The following NLRP12 variants were observed in gnomAD, a reference collection of about 807,000 sequenced individuals.
The protein encoded by NLRP12 is NLR family pyrin domain containing 12, also known as NACHT, LRR and PYD domains-containing protein 12.
NLRP12 carries 108 observed loss-of-function variants against 91.2 expected under a neutral mutation model. The observed-to-expected ratio is 1.18, with a 90% confidence interval of 1.01 to 1.39. The LOEUF is 1.39. Ranked by LOEUF, NLRP12 falls within the 40% of genes most tolerant of loss-of-function variation. The pLI is 0.00. For missense variants in NLRP12, 1,530 were observed against 1,352.7 expected, an observed-to-expected ratio of 1.13 and a Z score of -2.06; for synonymous variants, 613 against 566.7, an observed-to-expected ratio of 1.08 and a Z score of -1.16.
Position 53,795,895 on chromosome 19 carries a change from C to T in NLRP12, c.3062G>A (p.Arg1021Gln), listed in dbSNP as rs769192403. ...GDTGVRLLCK[R>Q]LSHPGCKLRV... The stretch of plus-strand genomic sequence containing the variant: ...GAGTTTGCAGCCAGGATGGCTCAGC[C>T]GCTTGCAAAGCAGTCGGACACCTGT... Residue 1021 changes from arginine (R) to glutamine (Q), a missense_variant, in exon 9 of 10, where the codon CGG (arginine) becomes CAG (glutamine). By Grantham distance (43) the Arg-to-Gln change is conservative (BLOSUM62 1). Transcript: ENST00000324134. 11 of 1,614,138 alleles carry T rather than the reference C, an allele frequency of 6.8e-6. No homozygotes were observed. Among genetic ancestry groups the T allele is most frequent in the East Asian group, 4.5e-5 (2 of 44,882 alleles).
Position 53,807,679 on chromosome 19 carries a change from A to G in NLRP12, c.2073-14T>C, listed in dbSNP as rs769759270. 2.5e-6 allele frequency: 4 copies of G among 1,614,104 alleles called. No individual in the cohort carries two copies. In the South Asian group the frequency reaches 3.3e-5, roughly 13 times the overall value. Reference sequence around the variant, plus strand: ...GTCCTCTCTGGTCTGCTTGAAGGAAAGACAGGCCACTCTCTGGTGTTACTG... The same window carrying G: ...GTCCTCTCTGGTCTGCTTGAAGGAAGGACAGGCCACTCTCTGGTGTTACTG... On this transcript the variant is annotated splice_polypyrimidine_tract_variant and intron_variant, in intron 3 of 9. Coordinates refer to ENST00000324134, the MANE Select transcript of NLRP12 (RefSeq NM_144687.4).
intron 1 of NLRP12, among the ~76,000 whole-genome samples, chr19:53,820,307 A>G (rs958616230): frequency 3.3e-5 from 5 of 152,088 alleles, no homozygotes; most frequent in African/African-American, 1.2e-4. Context: ...AGGTGGATGG[A>G]TCACCTGAGG....
In NLRP12 at chr19:53,824,284, G is replaced by T; in HGVS notation, c.-110C>A. The T allele has an allele frequency of 8.6e-7, 1 of 1,165,254 alleles. No homozygotes were observed. The highest frequency in any genetic ancestry group is 1.9e-5 in the Admixed American group (1 of 52,032). The allele number at this position is 1,165,254 out of a possible 1,614,324, so 72.2% of individuals were successfully genotyped here. On this transcript the variant is annotated 5_prime_UTR_variant, in exon 1 of 10. Transcript: ENST00000324134. Reference sequence around the variant, plus strand: ...CCATTGCATCATTCACAGGCAGCGGGCGGAGAGGCTGAGCCAGTGGTTGGA... The same window carrying T: ...CCATTGCATCATTCACAGGCAGCGGTCGGAGAGGCTGAGCCAGTGGTTGGA...
At position 53,812,430 on chromosome 19, in the gene NLRP12, AT is replaced by A. The variant is rs1435720768; in HGVS notation, c.371-1143del. Among the ~76,000 whole-genome samples, 15 of 150,720 alleles carry A rather than the reference AT, an allele frequency of 1.0e-4. No individual in the cohort carries two copies. The South Asian group carries it at 3.1e-3, about 31-fold the overall frequency. ...TCTGCCTCAAAAAAAAAAAAAAAAA[AT>A]CTAGAACAATGTTCTTAATTGGGGT... is the stretch of plus-strand genomic sequence containing the variant. On this transcript the variant is annotated intron_variant, in intron 2 of 9. Transcript: ENST00000324134.
At chr19:53,823,475 AAT>A (rs1259817505) in intron 1 of NLRP12, among the ~76,000 whole-genome samples, 1 of 123,170 alleles carries the variant, frequency 8.1e-6, no homozygotes, top group Non-Finnish European at 1.6e-5. Context: ...ATATATTTAA[AAT>A]ATATATTTTA....
chr19:53,822,491 G>C (rs1418961881), intron 1 of NLRP12, among the ~76,000 whole-genome samples: 1 of 152,110 alleles, frequency 6.6e-6, no homozygotes, highest in African/African-American at 2.4e-5. Flanking sequence ...CCAGCACTTT[G>C]GGAGGCTGAG....
chr19:53,811,290 T>C lies in NLRP12; in HGVS notation c.371-2A>G. On this transcript the variant is annotated splice_acceptor_variant, in intron 2 of 9. Transcript: ENST00000324134. LOFTEE classifies it high-confidence loss of function. ...AGTCCCTGTAGGTTTCCTGGGGATC[T>C]AGGGGAGAGGAATGAAGGTTTTGTG... 1 of 1,613,662 alleles carries C rather than the reference T, an allele frequency of 6.2e-7. No individual in the cohort carries two copies. Among genetic ancestry groups the C allele is most frequent in the Non-Finnish European group, 8.5e-7 (1 of 1,179,996 alleles).
At position 53,804,039 on chromosome 19, in the gene NLRP12, T is replaced by C; in HGVS notation, c.2498A>G (p.Asp833Gly). The change falls in exon 6 of 10, where the codon GAC (aspartate) becomes GGC (glycine). Residue 833 changes from aspartate (D) to glycine (G), a missense_variant. Physicochemically the swap from Asp to Gly is moderately conservative, Grantham distance 94. Coordinates refer to ENST00000324134, the MANE Select transcript of NLRP12 (RefSeq NM_144687.4). The stretch of plus-strand genomic sequence containing the variant: ...ATCCTCCAGTGCATTTCCTGTCAGG[T>C]CCAACTCAACCAGATGTGGGTTGGT... Reference protein sequence around the residue: ...LGTNPHLVELDLTGNALEDLG... With the variant: ...LGTNPHLVELGLTGNALEDLG... The C allele has an allele frequency of 6.2e-7, 1 of 1,614,036 alleles. No individual in the cohort carries two copies. The highest frequency in any genetic ancestry group is 8.5e-7 in the Non-Finnish European group (1 of 1,179,984).
rs1054312255 is a variant in NLRP12 at position 53,800,303 on chromosome 19, CA to C, written c.2756+923del. Among the ~76,000 whole-genome samples the C allele has an allele frequency of 3.3e-5, 5 of 150,110 alleles. No homozygotes were observed. In the South Asian group the frequency reaches 6.3e-4, roughly 19 times the overall value. ...CTGGGCGACAGGGCAAGACTCGTCTCAAAAAAAAAGTAAAAATTAGCCATCT... is the reference window on the plus strand; with the variant it reads ...CTGGGCGACAGGGCAAGACTCGTCTCAAAAAAAAGTAAAAATTAGCCATCT... On this transcript the variant is annotated intron_variant, in intron 7 of 9. Transcript: ENST00000324134.
At chr19:53,804,852 A>AC (rs2091932202) in intron 5 of NLRP12, among the ~76,000 whole-genome samples, 1 of 151,776 alleles carries the variant, frequency 6.6e-6, no homozygotes, top group East Asian at 2.0e-4. Flanking sequence ...ACGTGAGGAA[A>AC]CCCCATCTCT....
intron 8 of NLRP12, among the ~76,000 whole-genome samples, chr19:53,797,248 C>T (rs2091781912): frequency 6.6e-6 from 1 of 152,106 alleles, no homozygotes; most frequent in Non-Finnish European, 1.5e-5. Context: ...TCTCCTGCCT[C>T]AGCCTCCTGT....
chr19:53,819,684 C>CT lies in NLRP12; in HGVS notation c.289+4201_289+4202insA, dbSNP rs1568696863. Among the ~76,000 whole-genome samples the CT allele has an allele frequency of 3.5e-5, 2 of 57,406 alleles. 1 individual carries two copies. Among genetic ancestry groups the CT allele is most frequent in the Admixed American group, 3.7e-4 (2 of 5,396 alleles). 37.7% of individuals were successfully genotyped at this position (57,406 alleles called of 152,430 possible). A position where few individuals can be genotyped will look rare whatever the true frequency, so the allele number is the denominator to read the frequency against. On this transcript the variant is annotated intron_variant, in intron 1 of 9. Transcript: ENST00000324134. ...ACATGTATACATATATGTATGTATA[C>CT]ATATATATACACACACACACACGTA...
rs2091697219 is a variant in NLRP12 at position 53,793,939 on chromosome 19, G to A, written c.*110C>T. ...GCAGAGGGACTTTTGATCTCAATCT[G>A]CATGAGTCTGTCTCTAGGAAGGAGG... On this transcript the variant is annotated 3_prime_UTR_variant, in exon 10 of 10. Coordinates refer to ENST00000324134, the MANE Select transcript of NLRP12 (RefSeq NM_144687.4). 2.4e-6 allele frequency: 2 copies of A among 822,814 alleles called. No homozygotes were observed. Among genetic ancestry groups the A allele is most frequent in the Admixed American group, 1.8e-5 (1 of 54,950 alleles). The allele number at this position is 822,814 out of a possible 1,614,324, so 51.0% of individuals were successfully genotyped here. A position where few individuals can be genotyped will look rare whatever the true frequency, so the allele number is the denominator to read the frequency against.
rs7260563 is a variant in NLRP12, at chr19:53,819,150, T to C, written c.290-4162A>G. On this transcript the variant is annotated intron_variant, in intron 1 of 9. Transcript: ENST00000324134. Reference sequence around the variant, plus strand: ...GTGGGACTTTACTTTTGATTCTATATTTGTACATTATTTCCATTTCTTAAA... The same window carrying C: ...GTGGGACTTTACTTTTGATTCTATACTTGTACATTATTTCCATTTCTTAAA... Among the ~76,000 whole-genome samples, 1,111 of 152,204 alleles carry C rather than the reference T, an allele frequency of 7.3e-3. 13 individuals are homozygous for C. The highest frequency in any genetic ancestry group is 0.025 in the African/African-American group (1,059 of 41,542).
intron 1 of NLRP12, among the ~76,000 whole-genome samples, chr19:53,823,162 T>A (rs910018581): frequency 4.5e-5 from 2 of 44,496 alleles, no homozygotes. Context: ...TATATATATA[T>A]AAATTCCAGA....
rs980771910 is a variant in NLRP12, at chr19:53,821,164, T to G, written c.289+2722A>C. On this transcript the variant is annotated intron_variant, in intron 1 of 9. Coordinates refer to ENST00000324134, the MANE Select transcript of NLRP12 (RefSeq NM_144687.4). ...GATTCTCCTGTCTCAGCCTCTAGAT[T>G]AGCAGGGATTACTGGCGCCCGCCAC... Among the ~76,000 whole-genome samples the G allele has an allele frequency of 3.3e-5, 5 of 150,944 alleles. No individual in the cohort carries two copies. In the Admixed American group the frequency reaches 3.3e-4, roughly 10 times the overall value.
chr19:53,808,449 G>A (rs1276906992), intron 3 of NLRP12: 1 of 152,934 alleles, frequency 6.5e-6, no homozygotes, highest in Non-Finnish European at 1.5e-5. Context: ...TATAGAGGCT[G>A]GGTGTGGTGG....
intron 7 of NLRP12, among the ~76,000 whole-genome samples, chr19:53,800,619 G>A (rs1228246195): frequency 6.7e-6 from 1 of 150,164 alleles, no homozygotes; most frequent in Non-Finnish European, 1.5e-5. Flanking sequence ...TTTCGCTCTT[G>A]TTGCCCAGAC....
At chr19:53,809,475 G>A in intron 3 of NLRP12, 112 bp downstream of exon 3, 2 of 1,118,270 alleles carry the variant, frequency 1.8e-6, no homozygotes. Flanking sequence ...AGGTTGCAGT[G>A]AGCTGAGGTC....
Sources: allele counts gnomAD v4.1 joint callset (sites outside exome capture counted in the v4.1 genomes callset), GRCh38; gene constraint gnomAD v4.1.1; transcripts MANE v1.5; gene names NCBI Gene and HGNC (gene_info 2026-07-23, HGNC 2026-07-21).